The following TBC1D5 variants were observed in gnomAD, a reference collection of about 807,000 sequenced individuals.
The protein encoded by TBC1D5 is TBC1 domain family, member 5.
In TBC1D5, 75 loss-of-function variants were observed where a neutral mutation model predicts 100.3. The observed-to-expected ratio is 0.75, with a 90% CI of 0.62 to 0.91. The LOEUF is 0.91. Among genes scored for constraint, TBC1D5 ranks in the 40% least tolerant of loss-of-function variants. TBC1D5 has a pLI of 0.00. For missense variants in TBC1D5, 910 were observed against 942.4 expected (o/e 0.97, Z 0.45); for synonymous variants, 323 against 325.6 (o/e 0.99, Z 0.09).
At chr3:17,338,487 A>G (rs775957190) in intron 13 of TBC1D5, 3 of 152,150 alleles carry the variant, frequency 2.0e-5, no homozygotes, top group Non-Finnish European at 2.9e-5. Flanking sequence ...CTCTTTCCTC[A>G]CTGGCCACCT....
intron 1 of TBC1D5, among the ~76,000 whole-genome samples, chr3:17,633,590 C>G (rs1285952301): frequency 6.6e-6 from 1 of 151,944 alleles, no homozygotes; most frequent in Admixed American, 6.6e-5. Context: ...AGCTAAGGAT[C>G]TGGAAGTAAA....
chr3:17,729,917 T>C (rs2076419593), intron 1 of TBC1D5, among the ~76,000 whole-genome samples: 1 of 152,064 alleles, frequency 6.6e-6, no homozygotes, highest in Non-Finnish European at 1.5e-5. Flanking sequence ...AAGACCAGCC[T>C]GAACAACATG....
intron 2 of TBC1D5, among the ~76,000 whole-genome samples, chr3:17,550,585 G>C (rs903750014): frequency 6.6e-6 from 1 of 150,698 alleles, no homozygotes; most frequent in African/African-American, 2.4e-5. Context: ...TTCTTCTACA[G>C]CTTTACCCAC....
intron 1 of TBC1D5, chr3:17,702,229 T>C (rs947640827): frequency 7.2e-5 from 11 of 152,274 alleles, no homozygotes; most frequent in African/African-American, 2.6e-4. Context: ...TCTTTTACTT[T>C]TAAATGCAGT....
At chr3:17,186,299 AC>A (rs900428812) in intron 18 of TBC1D5, among the ~76,000 whole-genome samples, 1 of 152,234 alleles carries the variant, frequency 6.6e-6, no homozygotes, top group African/African-American at 2.4e-5. Flanking sequence ...TGAAAAGGTT[AC>A]TTGTAGATGT....
intron 3 of TBC1D5, among the ~76,000 whole-genome samples, chr3:17,489,219 A>G (rs1230442794): frequency 6.6e-6 from 1 of 151,246 alleles, no homozygotes; most frequent in Non-Finnish European, 1.5e-5. Context: ...TAGTTTGCCT[A>G]TGTAAAAGTC....
intron 5 of TBC1D5, among the ~76,000 whole-genome samples, chr3:17,406,153 G>A (rs1287393092): frequency 6.6e-6 from 1 of 152,062 alleles, no homozygotes; most frequent in African/African-American, 2.4e-5. Context: ...GAGTGTAAAA[G>A]TGTTGCTCTG....
chr3:17,180,601 A>G (rs975043221), intron 19 of TBC1D5, among the ~76,000 whole-genome samples: 1 of 152,242 alleles, frequency 6.6e-6, no homozygotes, highest in African/African-American at 2.4e-5. Context: ...AGCCATAAAA[A>G]GAATGAAATC....
chr3:17,225,752 G>C (rs895465002), intron 17 of TBC1D5, among the ~76,000 whole-genome samples: 4 of 152,066 alleles, frequency 2.6e-5, no homozygotes, highest in Non-Finnish European at 5.9e-5. Flanking sequence ...GCTGAAGAGG[G>C]ACAATTACTT....
chr3:17,298,717 G>A (rs2150319717), intron 14 of TBC1D5, among the ~76,000 whole-genome samples: 1 of 152,234 alleles, frequency 6.6e-6, no homozygotes, highest in Admixed American at 6.5e-5. Context: ...GTGCCATCAA[G>A]CCATGAAAAG....
chr3:17,189,752 C>T (rs1016714452), intron 18 of TBC1D5, among the ~76,000 whole-genome samples: 4 of 152,216 alleles, frequency 2.6e-5, no homozygotes, highest in Non-Finnish European at 5.9e-5. Context: ...CACATCCCTT[C>T]CTATGCTCCA....
chr3:17,327,193 C>T (rs1307875392), intron 13 of TBC1D5, among the ~76,000 whole-genome samples: 1 of 152,102 alleles, frequency 6.6e-6, no homozygotes, highest in East Asian at 1.9e-4. Context: ...AAATCTCTGT[C>T]CTCATGAAGT....
chr3:17,318,367 T>TAA (rs1374783786), intron 13 of TBC1D5, among the ~76,000 whole-genome samples: 1 of 152,024 alleles, frequency 6.6e-6, no homozygotes, highest in East Asian at 1.9e-4. Context: ...CCCTAAAACT[T>TAA]AAAGTATAAT....
intron 6 of TBC1D5, 27 bp from the exon 7 acceptor site, chr3:17,404,795 A>G (rs2093727571): frequency 6.3e-7 from 1 of 1,598,176 alleles, no homozygotes; most frequent in African/African-American, 1.4e-5. Context: ...AAACACACAC[A>G]CAAGGATCAG....
At chr3:17,176,184 C>T (rs1273458907) in intron 19 of TBC1D5, among the ~76,000 whole-genome samples, 2 of 152,208 alleles carry the variant, frequency 1.3e-5, no homozygotes, top group Non-Finnish European at 2.9e-5. Context: ...GTCACAATTT[C>T]CTCCACTGTA....
chr3:17,456,069 T>A (rs1421046892), intron 3 of TBC1D5, among the ~76,000 whole-genome samples: 1 of 152,112 alleles, frequency 6.6e-6, no homozygotes, highest in East Asian at 1.9e-4. Context: ...CTTCAATAAA[T>A]GGTAGTGTGA....
chr3:17,419,865 T>C (rs1004569688), intron 4 of TBC1D5, among the ~76,000 whole-genome samples: 1 of 152,004 alleles, frequency 6.6e-6, no homozygotes, highest in Non-Finnish European at 1.5e-5. Flanking sequence ...TATTTATTTA[T>C]TTATTTGTCT....
intron 1 of TBC1D5, among the ~76,000 whole-genome samples, chr3:17,729,470 G>A (rs940604495): frequency 6.6e-6 from 1 of 152,162 alleles, no homozygotes; most frequent in African/African-American, 2.4e-5. Flanking sequence ...CACTTTGGGA[G>A]GCCAAGGCAG....
rs577897161 is a variant in TBC1D5 at position 17,561,557 on chromosome 3, C to A, written c.-35-52952G>T. 7.2e-5 allele frequency among the ~76,000 whole-genome samples: 11 copies of A among 151,796 alleles called. No individual in the cohort carries two copies. In the South Asian group the frequency reaches 2.3e-3, roughly 32 times the overall value. On this transcript the variant is annotated intron_variant, in intron 2 of 21. Transcript: ENST00000253692. ...TTTGATAAGTTGACCAAGTGGAAGG[C>A]GAAAAAACATAAAGTATTGTTAGTA...
Sources: allele counts gnomAD v4.1 joint callset (sites outside exome capture counted in the v4.1 genomes callset), GRCh38; gene constraint gnomAD v4.1.1; transcripts MANE v1.5; gene names NCBI Gene and HGNC (gene_info 2026-07-23, HGNC 2026-07-21).